Variants in MTUS2 observed in about 807,000 individuals in gnomAD.
MTUS2 encodes microtubule associated scaffold protein 2.
Under a neutral mutation model 114.1 loss-of-function variants are expected in MTUS2, and 40 were observed. The ratio of observed to expected loss-of-function variants is 0.35; its 90% CI spans 0.27 to 0.46. The LOEUF (loss-of-function observed/expected upper bound fraction) is 0.46. MTUS2 is among the 20% of genes least tolerant of loss of function. The probability of loss-of-function intolerance (pLI) is 1.00; values close to 1 mark genes in which losing one functional copy is unlikely to be tolerated. For missense variants in MTUS2, 1,679 were observed against 1,705.4 expected, an observed-to-expected ratio of 0.98 and a Z score of 0.27; for synonymous variants, 688 against 672.0, an observed-to-expected ratio of 1.02 and a Z score of -0.37.
chr13:29,477,202 T>C (rs2138875729), intron 9 of MTUS2, among the ~76,000 whole-genome samples: 1 of 152,338 alleles, frequency 6.6e-6, no homozygotes, highest in East Asian at 1.9e-4. Flanking sequence ...GCTTCTCTAC[T>C]TGAATTAATT....
At chr13:29,413,066 C>T (rs1250163130) in intron 8 of MTUS2, among the ~76,000 whole-genome samples, 1 of 152,120 alleles carries the variant, frequency 6.6e-6, no homozygotes, top group African/African-American at 2.4e-5. Context: ...TTACATGGGG[C>T]CCTCTTTGAT....
chr13:28,998,610 A>G (rs1885231937), intron 2 of MTUS2, among the ~76,000 whole-genome samples: 1 of 151,974 alleles, frequency 6.6e-6, no homozygotes, highest in Non-Finnish European at 1.5e-5. Context: ...TTTTTTCTCT[A>G]AACTTCTCTT....
intron 9 of MTUS2, among the ~76,000 whole-genome samples, chr13:29,444,948 C>A (rs1878168075): frequency 6.6e-6 from 1 of 152,190 alleles, no homozygotes; most frequent in African/African-American, 2.4e-5. Context: ...AAGTCAGCTA[C>A]CCTCCTGGTT....
intron 10 of MTUS2, chr13:29,485,312 G>A (rs1001544052): frequency 6.6e-6 from 1 of 152,622 alleles, no homozygotes; most frequent in Non-Finnish European, 1.5e-5. Flanking sequence ...CTGTGCTGTA[G>A]AAAGAAGCCA....
rs1555272437 is a variant in MTUS2 at position 29,389,399 on chromosome 13, A to ATGTATACACGTGTGTGTGTG, written c.3117+29927_3117+29928insGTATACACGTGTGTGTGTGT. 5.9e-5 allele frequency among the ~76,000 whole-genome samples: 4 copies of ATGTATACACGTGTGTGTGTG among 67,982 alleles called. 1 individual carries two copies. Among genetic ancestry groups the ATGTATACACGTGTGTGTGTG allele is most frequent in the Non-Finnish European group, 1.1e-4 (4 of 35,758 alleles). The allele number at this position is 67,982 out of a possible 152,430, so 44.6% of individuals were successfully genotyped here. A position where few individuals can be genotyped will look rare whatever the true frequency, so the allele number is the denominator to read the frequency against. ...TATATATGTATACACGTGTGTGTAT[A>ATGTATACACGTGTGTGTGTG]TATGTATACACGTGTGTGTGTATGT... On this transcript the variant is annotated intron_variant, in intron 8 of 15. Coordinates refer to ENST00000612955, the MANE Select transcript of MTUS2 (RefSeq NM_001033602.4).
At chr13:29,175,805 G>T (rs75662833) in intron 5 of MTUS2, among the ~76,000 whole-genome samples, 2 of 151,966 alleles carry the variant, frequency 1.3e-5, no homozygotes, top group East Asian at 3.9e-4. Flanking sequence ...CACAACAGAG[G>T]TTTGCTTATA....
intron 2 of MTUS2, among the ~76,000 whole-genome samples, chr13:28,965,771 C>A (rs183051399): frequency 3.2e-3 from 492 of 152,326 alleles, no homozygotes; most frequent in Non-Finnish European, 5.6e-3. Context: ...AGTCTGGAAG[C>A]AGAGTTCCTT....
intron 2 of MTUS2, among the ~76,000 whole-genome samples, chr13:28,959,272 C>T (rs573130877): frequency 7.6e-4 from 115 of 152,294 alleles, no homozygotes; most frequent in Non-Finnish European, 1.1e-3. Context: ...CCACCTGTGC[C>T]GGTGAATGTC....
intron 7 of MTUS2, among the ~76,000 whole-genome samples, chr13:29,348,157 C>T (rs528658846): frequency 4.5e-4 from 69 of 152,286 alleles, no homozygotes; most frequent in Non-Finnish European, 8.5e-4. Context: ...AAGTTCCAAG[C>T]TTCTAATCAT....
Position 28,820,441 on chromosome 13 carries a change from C to T in MTUS2, c.-486C>T, listed in dbSNP as rs1321441813. ...TCAGGGCAAGTTTATCTCCCCCCTTCTGCGGAAACCCTTGACCGCTTAGCG... is the reference window on the plus strand; with the variant it reads ...TCAGGGCAAGTTTATCTCCCCCCTTTTGCGGAAACCCTTGACCGCTTAGCG... On this transcript the variant is annotated 5_prime_UTR_variant, in exon 1 of 16. Transcript: ENST00000612955. 1 of 152,134 alleles carries T rather than the reference C, an allele frequency of 6.6e-6. No homozygotes were observed. The highest frequency in any genetic ancestry group is 1.5e-5 in the Non-Finnish European group (1 of 68,008). 9.4% of individuals were successfully genotyped at this position (152,134 alleles called of 1,614,324 possible).
rs139329186 is a variant in MTUS2, at chr13:28,966,180, A to G, written c.-242-58277A>G. ...GTTATTTTATGATACCCTCCAAATA[A>G]TACTTAGCAAATTAAAGATATGACC... On this transcript the variant is annotated intron_variant, in intron 2 of 15. Coordinates refer to ENST00000612955, the MANE Select transcript of MTUS2 (RefSeq NM_001033602.4). Among the ~76,000 whole-genome samples the G allele has an allele frequency of 5.1e-3, 771 of 152,338 alleles. 5 individuals carry two copies. Among genetic ancestry groups the G allele is most frequent in the African/African-American group, 0.018 (742 of 41,578 alleles).
chr13:29,031,270 G>GTGTGTGTGTGTGTGTGTGTGTGTGT (rs1555287201), intron 3 of MTUS2, among the ~76,000 whole-genome samples: 1 of 22,400 alleles, frequency 4.5e-5, no homozygotes, highest in Non-Finnish European at 1.3e-4. Flanking sequence ...GTGTGTGTGT[G>GTGTGTGTGTGTGTGTGTGTGTGTGT]GTGTGTGTTC....
At chr13:29,402,328 A>G (rs1287319478) in intron 8 of MTUS2, among the ~76,000 whole-genome samples, 1 of 152,222 alleles carries the variant, frequency 6.6e-6, no homozygotes, top group East Asian at 1.9e-4. Context: ...TGAACCAAGC[A>G]GAGCCTCTCT....
intron 5 of MTUS2, among the ~76,000 whole-genome samples, chr13:29,182,757 G>A (rs371436256): frequency 3.9e-5 from 6 of 152,198 alleles, no homozygotes; most frequent in Non-Finnish European, 8.8e-5. Context: ...ACCAGAATAC[G>A]TTGGAAACTT....
At chr13:29,196,380 C>T (rs1426325930) in intron 5 of MTUS2, among the ~76,000 whole-genome samples, 3 of 151,948 alleles carry the variant, frequency 2.0e-5, no homozygotes, top group African/African-American at 7.3e-5. Flanking sequence ...TGCAGACCTA[C>T]ATTTTATTAG....
chr13:29,389,321 A>ATGTG (rs1566172268), intron 8 of MTUS2, among the ~76,000 whole-genome samples: 1 of 54,758 alleles, frequency 1.8e-5, no homozygotes, highest in African/African-American at 4.4e-5. Context: ...ATGTATACAC[A>ATGTG]TATGTGTGTA....
chr13:29,332,140 G>T (rs571994530), intron 7 of MTUS2, among the ~76,000 whole-genome samples: 1 of 152,308 alleles, frequency 6.6e-6, no homozygotes, highest in East Asian at 1.9e-4. Context: ...AATGGTACCA[G>T]CTCCTCTTTG....
At chr13:28,904,566 A>C (rs942785023) in intron 2 of MTUS2, among the ~76,000 whole-genome samples, 1 of 152,038 alleles carries the variant, frequency 6.6e-6, no homozygotes, top group Non-Finnish European at 1.5e-5. Context: ...ATGGTTATAG[A>C]TATGCAGCAT....
intron 5 of MTUS2, among the ~76,000 whole-genome samples, chr13:29,256,763 G>T (rs1897295182): frequency 6.6e-6 from 1 of 152,226 alleles, no homozygotes; most frequent in South Asian, 2.1e-4. Flanking sequence ...AGCTTGCTCT[G>T]CTTTAAATGA....
Sources: allele counts gnomAD v4.1 joint callset (sites outside exome capture counted in the v4.1 genomes callset), GRCh38; gene constraint gnomAD v4.1.1; transcripts MANE v1.5; gene names NCBI Gene and HGNC (gene_info 2026-07-23, HGNC 2026-07-21).